Variants in RAB3C observed in about 807,000 individuals in gnomAD.
The protein encoded by RAB3C is ras-related protein Rab-3C.
A neutral mutation model predicts 26.4 loss-of-function variants in RAB3C; 17 were observed. The observed-to-expected ratio is 0.64, with a 90% CI of 0.44 to 0.97. RAB3C has a LOEUF of 0.97. RAB3C is among the 50% of genes least tolerant of loss of function. RAB3C has a pLI of 0.00. For synonymous variants in RAB3C, 91 were observed against 95.9 expected, an observed-to-expected ratio of 0.95 and a Z score of 0.30; for missense variants, 242 against 281.9, an observed-to-expected ratio of 0.86 and a Z score of 1.01.
intron 2 of RAB3C, among the ~76,000 whole-genome samples, chr5:58,693,336 G>GTATTTATA: frequency 8.9e-6 from 1 of 111,744 alleles, no homozygotes; most frequent in South Asian, 2.7e-4. Context: ...ATATATATGT[G>GTATTTATA]TATATATATA....
At chr5:58,829,089 G>A (rs1288068915) in intron 4 of RAB3C, among the ~76,000 whole-genome samples, 1 of 151,644 alleles carries the variant, frequency 6.6e-6, no homozygotes, top group Non-Finnish European at 1.5e-5. Context: ...ATTTTTAGTA[G>A]AGATGGGCTT....
At chr5:58,692,684 T>A (rs75180345) in intron 2 of RAB3C, among the ~76,000 whole-genome samples, 3,160 of 152,246 alleles carry the variant, frequency 0.021, 114 homozygotes, top group African/African-American at 0.071. Context: ...GGATTCTTCT[T>A]GGGCCAACTT....
At chr5:58,841,047 G>C (rs1461996656) in intron 4 of RAB3C, among the ~76,000 whole-genome samples, 1 of 152,216 alleles carries the variant, frequency 6.6e-6, no homozygotes. Context: ...CTGCAAGGCT[G>C]TTTCTTAGGC....
chr5:58,824,970 T>A, intron 3 of RAB3C, 68 bp from the exon 4 acceptor site: 1 of 1,122,234 alleles, frequency 8.9e-7, no homozygotes, highest in South Asian at 1.6e-5. Flanking sequence ...TGGAATGTAT[T>A]TCTTCTCCTT....
At chr5:58,750,379 A>G (rs1320992829) in intron 3 of RAB3C, among the ~76,000 whole-genome samples, 1 of 152,212 alleles carries the variant, frequency 6.6e-6, no homozygotes, top group African/African-American at 2.4e-5. Context: ...TTTTCTTCTT[A>G]ATTCTCTTTA....
chr5:58,652,618 C>A (rs116814562), intron 2 of RAB3C, among the ~76,000 whole-genome samples: 2,353 of 151,256 alleles, frequency 0.016, 23 homozygotes, highest in Non-Finnish European at 0.025. Flanking sequence ...TTGCAACTTG[C>A]AGTTTCAAAC....
intron 3 of RAB3C, among the ~76,000 whole-genome samples, chr5:58,820,396 T>C (rs1157047863): frequency 6.6e-6 from 1 of 152,174 alleles, no homozygotes; most frequent in East Asian, 1.9e-4. Flanking sequence ...GGCATTGATC[T>C]CCTCTTGCTG....
At chr5:58,596,623 A>C (rs868256431) in intron 1 of RAB3C, among the ~76,000 whole-genome samples, 39 of 111,656 alleles carry the variant, frequency 3.5e-4, no homozygotes, top group Admixed American at 6.3e-4. Flanking sequence ...TATAATATAT[A>C]ATACATAATA....
chr5:58,649,974 C>T (rs1747609479), intron 2 of RAB3C, among the ~76,000 whole-genome samples: 1 of 152,158 alleles, frequency 6.6e-6, no homozygotes. Context: ...ACTTTTCCTC[C>T]CCTGTCTATG....
intron 2 of RAB3C, among the ~76,000 whole-genome samples, chr5:58,679,153 G>A (rs1579853660): frequency 6.6e-6 from 1 of 152,218 alleles, no homozygotes; most frequent in East Asian, 1.9e-4. Flanking sequence ...AGGAAAGGAG[G>A]AAACAGTGAG....
At position 58,852,193 on chromosome 5, in the gene RAB3C, A is replaced by G. The variant is rs770282318; in HGVS notation, c.*842A>G. 3.3e-5 allele frequency: 5 copies of G among 152,152 alleles called. No homozygotes were observed. Among genetic ancestry groups the G allele is most frequent in the Non-Finnish European group, 5.9e-5 (4 of 68,024 alleles). The allele number at this position is 152,152 out of a possible 1,614,324, so 9.4% of individuals were successfully genotyped here. A position where few individuals can be genotyped will look rare whatever the true frequency, so the allele number is the denominator to read the frequency against. Reference sequence around the variant, plus strand: ...TTAACCAAGAAGGGTATGAGTAGCTATGGAATTCCAAGGTCCAAGCCCCCT... The same window carrying G: ...TTAACCAAGAAGGGTATGAGTAGCTGTGGAATTCCAAGGTCCAAGCCCCCT... On this transcript the variant is annotated 3_prime_UTR_variant, in exon 5 of 5. Coordinates refer to ENST00000282878, the MANE Select transcript of RAB3C (RefSeq NM_138453.4).
At chr5:58,682,301 G>A (rs1305410804) in intron 2 of RAB3C, among the ~76,000 whole-genome samples, 4 of 152,252 alleles carry the variant, frequency 2.6e-5, no homozygotes, top group African/African-American at 4.8e-5. Flanking sequence ...TCATTTTATC[G>A]TCAAATAGCT....
At position 58,614,633 on chromosome 5, in the gene RAB3C, C is replaced by T. The variant is rs1031490498; in HGVS notation, c.25-3010C>T. On this transcript the variant is annotated intron_variant, in intron 1 of 4. Coordinates refer to ENST00000282878, the MANE Select transcript of RAB3C (RefSeq NM_138453.4). The stretch of plus-strand genomic sequence containing the variant: ...AGACCCCCTCTTTTGCCCCCATTAC[C>T]TTCTTTGCTGCTACCACAACAAGGT... 4.3e-4 allele frequency among the ~76,000 whole-genome samples: 66 copies of T among 151,964 alleles called. 1 individual carries two copies. The highest frequency in any genetic ancestry group is 1.5e-3 in the African/African-American group (61 of 41,456).
At chr5:58,686,333 T>A (rs1748444252) in intron 2 of RAB3C, among the ~76,000 whole-genome samples, 1 of 152,166 alleles carries the variant, frequency 6.6e-6, no homozygotes, top group Non-Finnish European at 1.5e-5. Flanking sequence ...ACTAGTATCC[T>A]TTCTAGTCAC....
chr5:58,823,035 G>A, intron 3 of RAB3C: 1 of 580,462 alleles, frequency 1.7e-6, no homozygotes, highest in East Asian at 4.1e-5. Flanking sequence ...GTCCCTCACA[G>A]TACCAGATGA....
At position 58,720,540 on chromosome 5, in the gene RAB3C, C is replaced by T. The variant is rs79730264; in HGVS notation, c.253-5462C>T. 9.3e-4 allele frequency among the ~76,000 whole-genome samples: 142 copies of T among 151,958 alleles called. 5 individuals are homozygous for T. In the East Asian group the frequency reaches 0.025, roughly 27 times the overall value. The stretch of plus-strand genomic sequence containing the variant: ...ATGACTAAGTATTTATTCTATTTCA[C>T]TTCTTTATGTCCATTTGGAAACTCA... On this transcript the variant is annotated intron_variant, in intron 2 of 4. Transcript: ENST00000282878.
chr5:58,847,891 T>C (rs1744037833), intron 4 of RAB3C, among the ~76,000 whole-genome samples: 1 of 152,070 alleles, frequency 6.6e-6, no homozygotes, highest in Non-Finnish European at 1.5e-5. Flanking sequence ...AGTCTCGCTC[T>C]GTCACCCAGG....
At chr5:58,702,106 A>G (rs915463702) in intron 2 of RAB3C, among the ~76,000 whole-genome samples, 1 of 152,212 alleles carries the variant, frequency 6.6e-6, no homozygotes, top group Non-Finnish European at 1.5e-5. Flanking sequence ...TCAACCTACA[A>G]TTAAAAATAT....
At chr5:58,758,974 TCCAAA>T (rs1741734282) in intron 3 of RAB3C, among the ~76,000 whole-genome samples, 1 of 152,124 alleles carries the variant, frequency 6.6e-6, no homozygotes. Flanking sequence ...ATTTGACATT[TCCAAA>T]CCAGTGACCA....
Sources: allele counts gnomAD v4.1 joint callset (sites outside exome capture counted in the v4.1 genomes callset), GRCh38; gene constraint gnomAD v4.1.1; transcripts MANE v1.5; gene names NCBI Gene and HGNC (gene_info 2026-07-23, HGNC 2026-07-21).